The following MRPS28 variants were observed in gnomAD, a reference collection of about 807,000 sequenced individuals.
MRPS28 encodes small ribosomal subunit protein bS1m.
MRPS28 carries 7 observed loss-of-function variants against 10.8 expected under a neutral mutation model. That is an observed-to-expected ratio of 0.65 (90% CI 0.37 to 1.22). MRPS28 has a LOEUF of 1.22. MRPS28 is among the 50% of genes most tolerant of loss of function. The pLI is 0.02. For missense variants in MRPS28, 265 were observed against 232.9 expected (o/e 1.14, Z -0.90); for synonymous variants, 121 against 93.3 (o/e 1.30, Z -1.71).
At chr8:79,928,402 C>T (rs565501932) in intron 2 of MRPS28, among the ~76,000 whole-genome samples, 1 of 151,866 alleles carries the variant, frequency 6.6e-6, no homozygotes, top group South Asian at 2.1e-4. Context: ...GACCATAGGT[C>T]GTGTTTGATA....
At chr8:79,993,432 T>C (rs1321832246) in intron 2 of MRPS28, among the ~76,000 whole-genome samples, 1 of 152,142 alleles carries the variant, frequency 6.6e-6, no homozygotes, top group Non-Finnish European at 1.5e-5. Context: ...CAGAATCCCA[T>C]TGAACAATCA....
chr8:79,958,160 C>T (rs1477378464), intron 2 of MRPS28: 1 of 488,796 alleles, frequency 2.0e-6, no homozygotes, highest in East Asian at 3.5e-5. Context: ...TTAGCAATCT[C>T]TCCCCCTCCC....
At chr8:80,007,954 C>T (rs982863185) in intron 1 of MRPS28, among the ~76,000 whole-genome samples, 11 of 152,076 alleles carry the variant, frequency 7.2e-5, no homozygotes, top group Non-Finnish European at 1.5e-4. Context: ...AAAAAGAGCC[C>T]GCATTGCCAA....
chr8:79,983,401 G>A (rs1432383822), intron 2 of MRPS28, among the ~76,000 whole-genome samples: 1 of 152,158 alleles, frequency 6.6e-6, no homozygotes, highest in Non-Finnish European at 1.5e-5. Flanking sequence ...CTCCTCACCA[G>A]CAACGGAACA....
At chr8:80,001,815 G>C (rs115565673) in intron 2 of MRPS28, among the ~76,000 whole-genome samples, 2,643 of 152,258 alleles carry the variant, frequency 0.017, 76 homozygotes, top group African/African-American at 0.058. Flanking sequence ...TTATCTAAGG[G>C]AGAGGTGTGC....
At chr8:79,970,640 C>T (rs1463507648) in intron 2 of MRPS28, among the ~76,000 whole-genome samples, 8 of 152,170 alleles carry the variant, frequency 5.3e-5, no homozygotes, top group Non-Finnish European at 1.0e-4. Flanking sequence ...TCCTTGTGCA[C>T]TACTGAACCA....
intron 2 of MRPS28, among the ~76,000 whole-genome samples, chr8:79,979,747 C>T (rs1238584502): frequency 4.0e-5 from 6 of 151,708 alleles, no homozygotes; most frequent in Admixed American, 3.9e-4. Context: ...TCTCTTCCTT[C>T]CCATTCTCTT....
intron 2 of MRPS28, among the ~76,000 whole-genome samples, chr8:79,950,241 G>T (rs994004039): frequency 3.3e-5 from 5 of 152,002 alleles, no homozygotes; most frequent in African/African-American, 7.3e-5. Context: ...TTTTATGGTG[G>T]TGGTAATCTT....
intron 1 of MRPS28, among the ~76,000 whole-genome samples, chr8:80,029,000 T>C (rs1391026360): frequency 6.6e-6 from 1 of 151,284 alleles, no homozygotes; most frequent in Admixed American, 6.6e-5. Flanking sequence ...AACAAAAAAG[T>C]AGAAAACAGA....
chr8:79,927,654 C>G (rs1305546105), intron 2 of MRPS28, among the ~76,000 whole-genome samples: 2 of 152,182 alleles, frequency 1.3e-5, no homozygotes. Context: ...CTCTCCTCTC[C>G]TCTCAACCCC....
chr8:80,011,246 T>A (rs369349429), intron 1 of MRPS28, among the ~76,000 whole-genome samples: 3 of 151,794 alleles, frequency 2.0e-5, no homozygotes, highest in Non-Finnish European at 2.9e-5. Flanking sequence ...AGAATAGCAG[T>A]GCTCAAGAGA....
chr8:79,985,830 C>G (rs576557050), intron 2 of MRPS28, among the ~76,000 whole-genome samples: 83 of 151,564 alleles, frequency 5.5e-4, no homozygotes, highest in Non-Finnish European at 1.1e-3. Flanking sequence ...GATTCACAGC[C>G]GAATTCTACC....
chr8:79,967,534 G>A (rs556916783), intron 2 of MRPS28, among the ~76,000 whole-genome samples: 1 of 152,250 alleles, frequency 6.6e-6, no homozygotes, highest in South Asian at 2.1e-4. Flanking sequence ...GTAGCAAGGG[G>A]TAGTAAAAGG....
At chr8:79,926,778 G>A (rs982839906) in intron 2 of MRPS28, among the ~76,000 whole-genome samples, 2 of 152,182 alleles carry the variant, frequency 1.3e-5, no homozygotes, top group Admixed American at 1.3e-4. Flanking sequence ...GCCTGAGCTG[G>A]GAGCTATCAC....
intron 2 of MRPS28, among the ~76,000 whole-genome samples, chr8:79,950,403 A>G (rs980339969): frequency 4.6e-5 from 7 of 152,200 alleles, no homozygotes; most frequent in Admixed American, 2.6e-4. Flanking sequence ...GAGTAAGTTA[A>G]TTCATTAAAT....
chr8:79,984,051 G>C (rs1476070968), intron 2 of MRPS28, among the ~76,000 whole-genome samples: 5 of 152,040 alleles, frequency 3.3e-5, no homozygotes, highest in Non-Finnish European at 5.9e-5. Flanking sequence ...ACAAAGGGAA[G>C]GCCATCAGAC....
chr8:79,990,166 T>C (rs1003120236), intron 2 of MRPS28, among the ~76,000 whole-genome samples: 1 of 152,058 alleles, frequency 6.6e-6, no homozygotes, highest in African/African-American at 2.4e-5. Context: ...GTTTCAAAAA[T>C]AAATAAATAA....
intron 2 of MRPS28, among the ~76,000 whole-genome samples, chr8:79,983,365 G>A (rs1233889085): frequency 2.6e-5 from 4 of 152,060 alleles, no homozygotes; most frequent in South Asian, 2.1e-4. Context: ...AAAGCAGAGC[G>A]CCTCTCCTCC....
rs1382231445 is a variant in MRPS28, at chr8:80,029,951, G to C, written c.213+85C>G. 1.9e-6 allele frequency: 3 copies of C among 1,541,416 alleles called. No homozygotes were observed. The Admixed American group carries it at 5.8e-5, about 30-fold the overall frequency. Reference sequence around the variant, plus strand: ...CCCGGACCTCAGCTCCCCTTCCTAAGCCAGGCTCCGCCCCTATTCCCGACC... The same window carrying C: ...CCCGGACCTCAGCTCCCCTTCCTAACCCAGGCTCCGCCCCTATTCCCGACC... On this transcript the variant is annotated intron_variant, in intron 1 of 2. Transcript: ENST00000276585.
Sources: gnomAD v4.1 joint callset for allele counts (sites outside exome capture counted in the v4.1 genomes callset) on GRCh38, gnomAD v4.1.1 for gene constraint, MANE v1.5 for transcripts, NCBI Gene and HGNC (gene_info 2026-07-23, HGNC 2026-07-21) for gene names.